The following MGAT4C variants were observed in gnomAD, a reference collection of about 807,000 sequenced individuals.
MGAT4C encodes the protein MGAT4 family member C.
MGAT4C carries 19 observed loss-of-function variants against 40.1 expected under a neutral mutation model. The ratio of observed to expected loss-of-function variants is 0.47; its 90% CI spans 0.33 to 0.70. MGAT4C has a LOEUF of 0.70. MGAT4C is among the 30% of genes least tolerant of loss of function. The pLI, the probability that MGAT4C is intolerant of heterozygous loss-of-function variation, is 0.02. For missense variants in MGAT4C, 491 were observed against 563.2 expected, an observed-to-expected ratio of 0.87 and a Z score of 1.30; for synonymous variants, 181 against 187.1, an observed-to-expected ratio of 0.97 and a Z score of 0.27.
At chr12:86,824,458 G>C (rs1454693198) in intron 1 of MGAT4C, among the ~76,000 whole-genome samples, 1 of 151,312 alleles carries the variant, frequency 6.6e-6, no homozygotes, top group Non-Finnish European at 1.5e-5. Flanking sequence ...AAAAGTTATG[G>C]CTACAGTACA....
chr12:86,299,925 C>A (rs949668858), intron 4 of MGAT4C, among the ~76,000 whole-genome samples: 5 of 152,146 alleles, frequency 3.3e-5, no homozygotes, highest in African/African-American at 7.2e-5. Context: ...GGCAAAGAAT[C>A]TGCAACAAAA....
rs1440710492 is a variant in MGAT4C at position 86,212,905 on chromosome 12, A to ACAC, written c.-57+43333_-57+43334insGTG. Among the ~76,000 whole-genome samples, 6 of 146,338 alleles carry ACAC rather than the reference A, an allele frequency of 4.1e-5. No individual in the cohort carries two copies. In the East Asian group the frequency reaches 1.2e-3, roughly 29 times the overall value. On this transcript the variant is annotated intron_variant, in intron 1 of 4. Coordinates refer to ENST00000611864, the MANE Select transcript of MGAT4C (RefSeq NM_001351288.2). ...AGACTCCGTCTCAAAAAAAAAAAAA[A>ACAC]AAAAAAAAAAAAAAAAGAACACTCA...
At chr12:86,279,569 C>T (rs972612919) in intron 4 of MGAT4C, among the ~76,000 whole-genome samples, 1 of 151,312 alleles carries the variant, frequency 6.6e-6, no homozygotes, top group Non-Finnish European at 1.5e-5. Flanking sequence ...ATCAACTTTG[C>T]TTACCTTTTC....
chr12:86,746,593 TA>T (rs1951157554), intron 1 of MGAT4C, among the ~76,000 whole-genome samples: 1 of 151,704 alleles, frequency 6.6e-6, no homozygotes, highest in Non-Finnish European at 1.5e-5. Flanking sequence ...ACTGAAATAC[TA>T]AACTTCAAAT....
chr12:86,137,948 G>T (rs368865661), intron 1 of MGAT4C, among the ~76,000 whole-genome samples: 4 of 152,122 alleles, frequency 2.6e-5, no homozygotes, highest in African/African-American at 7.2e-5. Context: ...TACCCTTCAG[G>T]TCTTGCCTAA....
intron 2 of MGAT4C, among the ~76,000 whole-genome samples, chr12:86,000,256 G>A (rs1272765972): frequency 3.3e-5 from 5 of 151,680 alleles, no homozygotes; most frequent in African/African-American, 1.2e-4. Flanking sequence ...CAAAAGTAAA[G>A]GTAAAAATCA....
At chr12:85,987,961 A>AACTT (rs1885440155) in intron 3 of MGAT4C, among the ~76,000 whole-genome samples, 3 of 152,350 alleles carry the variant, frequency 2.0e-5, no homozygotes, top group Admixed American at 2.0e-4. Flanking sequence ...ATCTCTAGTT[A>AACTT]ACTTACAATC....
At chr12:86,759,092 A>G (rs1205623571) in intron 1 of MGAT4C, among the ~76,000 whole-genome samples, 3 of 152,028 alleles carry the variant, frequency 2.0e-5, no homozygotes, top group Non-Finnish European at 2.9e-5. Flanking sequence ...GCCTACTTCT[A>G]TGAGAACAAC....
chr12:86,477,884 T>G (rs1350635523), intron 2 of MGAT4C, among the ~76,000 whole-genome samples: 3 of 152,156 alleles, frequency 2.0e-5, no homozygotes, highest in African/African-American at 7.2e-5. Flanking sequence ...CTGAGGATGA[T>G]GGTTTCCAGC....
intron 2 of MGAT4C, among the ~76,000 whole-genome samples, chr12:86,559,140 T>C (rs1265091982): frequency 1.3e-5 from 2 of 151,994 alleles, no homozygotes; most frequent in East Asian, 3.9e-4. Flanking sequence ...AGGAATAGAA[T>C]ATAATACTGG....
chr12:86,391,728 C>T (rs1262987389), intron 3 of MGAT4C, among the ~76,000 whole-genome samples: 4 of 151,966 alleles, frequency 2.6e-5, no homozygotes, highest in African/African-American at 7.2e-5. Flanking sequence ...GGCATGGTGG[C>T]GGGTGCCTGT....
At chr12:86,385,928 T>A (rs1956041313) in intron 3 of MGAT4C, among the ~76,000 whole-genome samples, 1 of 152,126 alleles carries the variant, frequency 6.6e-6, no homozygotes, top group African/African-American at 2.4e-5. Context: ...ATTTTTTATT[T>A]TTTATTTATT....
chr12:86,292,678 G>T (rs1953553851), intron 4 of MGAT4C, among the ~76,000 whole-genome samples: 1 of 152,122 alleles, frequency 6.6e-6, no homozygotes, highest in African/African-American at 2.4e-5. Context: ...GAAAACTGCT[G>T]TTCCATTCTA....
intron 2 of MGAT4C, among the ~76,000 whole-genome samples, chr12:86,494,632 A>C (rs1012922413): frequency 1.3e-5 from 2 of 151,870 alleles, no homozygotes; most frequent in Non-Finnish European, 2.9e-5. Flanking sequence ...TAAAAAAAAA[A>C]CGTGCTTTAA....
intron 2 of MGAT4C, among the ~76,000 whole-genome samples, chr12:86,539,882 C>T (rs1370781502): frequency 6.6e-6 from 1 of 151,826 alleles, no homozygotes; most frequent in East Asian, 1.9e-4. Flanking sequence ...GATTTTTTTT[C>T]TTGTAAATTT....
intron 2 of MGAT4C, chr12:86,495,213 A>G (rs1356036405): frequency 6.6e-6 from 1 of 152,074 alleles, no homozygotes; most frequent in Admixed American, 6.6e-5. Context: ...GACCACACAC[A>G]ACATTTAAAC....
At chr12:86,239,832 G>T (rs1951701039) in intron 1 of MGAT4C, among the ~76,000 whole-genome samples, 2 of 134,120 alleles carry the variant, frequency 1.5e-5, no homozygotes, top group South Asian at 4.6e-4. Flanking sequence ...GCTCCTGGAA[G>T]AAAGGAGACA....
intron 1 of MGAT4C, among the ~76,000 whole-genome samples, chr12:86,084,851 A>G (rs949080570): frequency 3.3e-5 from 5 of 151,978 alleles, no homozygotes; most frequent in African/African-American, 1.2e-4. Flanking sequence ...AAGTTAGTAT[A>G]TATTTCTGAA....
intron 2 of MGAT4C, among the ~76,000 whole-genome samples, chr12:86,498,923 C>T (rs1157583215): frequency 6.6e-6 from 1 of 151,372 alleles, no homozygotes; most frequent in East Asian, 1.9e-4. Flanking sequence ...CAAGACATTA[C>T]AAAAAAAAGG....
Sources: gnomAD v4.1 joint callset for allele counts (sites outside exome capture counted in the v4.1 genomes callset) on GRCh38, gnomAD v4.1.1 for gene constraint, MANE v1.5 for transcripts, NCBI Gene and HGNC (gene_info 2026-07-23, HGNC 2026-07-21) for gene names.